RBM20: variants seen among roughly 807,000 people sequenced by gnomAD.
RBM20 encodes RNA binding motif protein 20, also known as RNA-binding protein 20.
Under a neutral mutation model 110.1 loss-of-function variants are expected in RBM20, and 51 were observed. The ratio of observed to expected loss-of-function variants is 0.46; its 90% CI spans 0.37 to 0.59. The LOEUF (loss-of-function observed/expected upper bound fraction) is 0.59. Ranked by LOEUF, RBM20 falls within the 20% of genes least tolerant of loss-of-function variation. The pLI is 0.00. For missense variants in RBM20, 1,512 were observed against 1,574.9 expected (o/e 0.96, Z 0.68); for synonymous variants, 589 against 618.2 (o/e 0.95, Z 0.70).
intron 7 of RBM20, 62 bp from the exon 8 acceptor site, chr10:110,810,321 G>A (rs1844748070): frequency 3.2e-6 from 4 of 1,261,114 alleles, no homozygotes; most frequent in Non-Finnish European, 4.5e-6. Flanking sequence ...GGTCAGAGCT[G>A]CTTCCCTCAG....
At chr10:110,757,497 C>T (rs1281787382) in intron 1 of RBM20, among the ~76,000 whole-genome samples, 1 of 152,200 alleles carries the variant, frequency 6.6e-6, no homozygotes, top group Non-Finnish European at 1.5e-5. Flanking sequence ...CCCAAAAGTA[C>T]TCACAGAATA....
At chr10:110,707,811 A>G (rs1450925454) in intron 1 of RBM20, among the ~76,000 whole-genome samples, 2 of 152,230 alleles carry the variant, frequency 1.3e-5, no homozygotes, top group African/African-American at 4.8e-5. Flanking sequence ...GTAAGATAGA[A>G]TGAATAAGAC....
In RBM20 at chr10:110,831,687, A is replaced by C. The variant is rs988046699; in HGVS notation, c.3573+505A>C. 8.7e-5 allele frequency among the ~76,000 whole-genome samples: 13 copies of C among 149,184 alleles called. No homozygotes were observed. In the East Asian group the frequency reaches 1.2e-3, roughly 13 times the overall value. ...AGAATAAAAAAAAAAAAAAAAAAAA[A>C]AAAACACTGCTTTGTTCTTTTTAAC... On this transcript the variant is annotated intron_variant, in intron 13 of 13. Coordinates refer to ENST00000369519, the MANE Select transcript of RBM20 (RefSeq NM_001134363.3).
At chr10:110,761,029 G>A (rs1438396609) in intron 1 of RBM20, 2 of 149,698 alleles carry the variant, frequency 1.3e-5, no homozygotes, top group African/African-American at 4.9e-5. Flanking sequence ...CCAGGAAGGT[G>A]GAGGTTGCAG....
intron 1 of RBM20, among the ~76,000 whole-genome samples, chr10:110,769,873 C>G (rs1180253878): frequency 6.6e-6 from 1 of 152,012 alleles, no homozygotes; most frequent in East Asian, 1.9e-4. Context: ...TGTGCGCCAC[C>G]ATGCCTGGCC....
intron 12 of RBM20, among the ~76,000 whole-genome samples, chr10:110,828,454 G>T (rs1157016121): frequency 2.6e-5 from 4 of 151,408 alleles, no homozygotes; most frequent in African/African-American, 9.8e-5. Context: ...GCCTGAACTT[G>T]CAGAGCAGGG....
intron 1 of RBM20, among the ~76,000 whole-genome samples, chr10:110,684,977 C>T (rs572305398): frequency 6.7e-4 from 102 of 152,306 alleles, no homozygotes; most frequent in African/African-American, 2.4e-3. Context: ...ATCCTAACAT[C>T]TTGAGAAGTG....
intron 1 of RBM20, among the ~76,000 whole-genome samples, chr10:110,714,938 C>A (rs1350317899): frequency 2.0e-5 from 3 of 152,084 alleles, no homozygotes; most frequent in East Asian, 3.8e-4. Context: ...TATCTGTAAT[C>A]CAAAAGGTTT....
Position 110,719,417 on chromosome 10 carries a change from C to A in RBM20, c.192-61384C>A, listed in dbSNP as rs546223847. 7.9e-5 allele frequency among the ~76,000 whole-genome samples: 12 copies of A among 152,244 alleles called. No individual in the cohort carries two copies. The South Asian group carries it at 2.5e-3, about 32-fold the overall frequency. ...CTTTCTAAACATGTGATTGTGTGTC[C>A]TTCTTATTGACTTGACAAATTCCTA... is the stretch of plus-strand genomic sequence containing the variant. On this transcript the variant is annotated intron_variant, in intron 1 of 13. Coordinates refer to ENST00000369519, the MANE Select transcript of RBM20 (RefSeq NM_001134363.3).
intron 8 of RBM20, among the ~76,000 whole-genome samples, chr10:110,811,043 G>A (rs751545274): frequency 4.6e-5 from 7 of 152,156 alleles, no homozygotes; most frequent in Non-Finnish European, 1.0e-4. Flanking sequence ...GCCAAGCTGG[G>A]GCTATAAGTT....
intron 1 of RBM20, among the ~76,000 whole-genome samples, chr10:110,717,689 C>T (rs1406622823): frequency 6.6e-6 from 1 of 152,230 alleles, no homozygotes; most frequent in Non-Finnish European, 1.5e-5. Context: ...GCATCTGTTG[C>T]TCCATCTGCC....
chr10:110,767,943 G>A (rs1844129328), intron 1 of RBM20, among the ~76,000 whole-genome samples: 1 of 152,240 alleles, frequency 6.6e-6, no homozygotes, highest in Non-Finnish European at 1.5e-5. Context: ...GGGCACCATT[G>A]AGCACTGAGT....
chr10:110,729,884 C>T (rs1317016174), intron 1 of RBM20, among the ~76,000 whole-genome samples: 3 of 152,190 alleles, frequency 2.0e-5, no homozygotes, highest in African/African-American at 4.8e-5. Flanking sequence ...AGTGCAACCT[C>T]GGCTCACTGC....
intron 1 of RBM20, among the ~76,000 whole-genome samples, chr10:110,685,941 A>T (rs1226905318): frequency 6.6e-6 from 1 of 152,194 alleles, no homozygotes; most frequent in Non-Finnish European, 1.5e-5. Context: ...CTTTTAAGAG[A>T]CCCTTTAAAT....
In RBM20 at chr10:110,838,651, A is replaced by AC. The variant is rs1845165328; in HGVS notation, c.*2679dup. ...TTCCACTCCACCCTGGCCTTCCCCC[A>AC]CCCCCCATCCCCAGCAGCATTTCCA... On this transcript the variant is annotated 3_prime_UTR_variant, in exon 14 of 14. Transcript: ENST00000369519. The AC allele has an allele frequency of 1.3e-5, 1 of 76,836 alleles. No individual in the cohort carries two copies. 4.8% of individuals were successfully genotyped at this position (76,836 alleles called of 1,614,324 possible).
chr10:110,732,774 G>C (rs560297855), intron 1 of RBM20, among the ~76,000 whole-genome samples: 1 of 152,262 alleles, frequency 6.6e-6, no homozygotes, highest in Non-Finnish European at 1.5e-5. Flanking sequence ...TTGGTCTCCT[G>C]AGTCTAGAAG....
At chr10:110,644,234 C>G (rs1242960287), upstream of RBM20, among the ~76,000 whole-genome samples, 1 of 152,154 alleles carries the variant, frequency 6.6e-6, no homozygotes, top group Non-Finnish European at 1.5e-5. This position sits in a 1 kb window ranked among gnomAD's most constrained non-coding sequence, Gnocchi z 4.3. Flanking sequence ...GGAGACGCCC[C>G]CTGGCCCCCG....
chr10:110,695,426 A>G (rs1438620954), intron 1 of RBM20, among the ~76,000 whole-genome samples: 4 of 152,182 alleles, frequency 2.6e-5, no homozygotes, highest in Non-Finnish European at 2.9e-5. Flanking sequence ...GCTATTTCAG[A>G]GCAGTGTGTT....
chr10:110,735,277 T>C (rs1191764359), intron 1 of RBM20, among the ~76,000 whole-genome samples: 1 of 152,194 alleles, frequency 6.6e-6, no homozygotes, highest in African/African-American at 2.4e-5. Flanking sequence ...TGGCAACCAG[T>C]AGGGGTCTTG....
Sources: allele counts gnomAD v4.1 joint callset (sites outside exome capture counted in the v4.1 genomes callset), GRCh38; gene constraint gnomAD v4.1.1; non-coding constraint Gnocchi (gnomAD v3.1); transcripts MANE v1.5; gene names NCBI Gene and HGNC (gene_info 2026-07-23, HGNC 2026-07-21).